The following FRRS1 variants were observed in gnomAD, a reference collection of about 807,000 sequenced individuals.
FRRS1 encodes ferric chelate reductase 1, also known as ferric reductase 1.
A neutral mutation model predicts 70.7 loss-of-function variants in FRRS1; 51 were observed. The observed-to-expected ratio is 0.72, with a 90% CI of 0.58 to 0.91. The LOEUF (loss-of-function observed/expected upper bound fraction) is 0.91, where lower values mean the gene tolerates loss of function less well. FRRS1 is among the 40% of genes least tolerant of loss of function. FRRS1 has a pLI of 0.00. For missense variants in FRRS1, 672 were observed against 726.0 expected (o/e 0.93, Z 0.86); for synonymous variants, 225 against 238.7 (o/e 0.94, Z 0.53).
chr1:99,708,065 A>G lies in FRRS1; in HGVS notation c.*963T>C, dbSNP rs1294588529. On this transcript the variant is annotated 3_prime_UTR_variant, in exon 17 of 17. Coordinates refer to ENST00000646001, the MANE Select transcript of FRRS1 (RefSeq NM_001361041.2). Reference sequence around the variant, plus strand: ...TACATAAATAGTATCTTTAAGTAAAAGATGCATACTTGCATTTCATTGCTA... The same window carrying G: ...TACATAAATAGTATCTTTAAGTAAAGGATGCATACTTGCATTTCATTGCTA... Among the ~76,000 whole-genome samples the G allele has an allele frequency of 6.6e-6, 1 of 152,236 alleles. No individual in the cohort carries two copies.
chr1:99,712,398 T>C lies in FRRS1; in HGVS notation c.1421+20A>G, dbSNP rs765372647. The C allele has an allele frequency of 2.0e-6, 3 of 1,492,734 alleles. No individual in the cohort carries two copies. Among genetic ancestry groups the C allele is most frequent in the South Asian group, 1.2e-5 (1 of 83,972 alleles). 92.5% of individuals were successfully genotyped at this position (1,492,734 alleles called of 1,614,324 possible). A position where few individuals can be genotyped will look rare whatever the true frequency, so the allele number is the denominator to read the frequency against. On this transcript the variant is annotated intron_variant, in intron 13 of 16. Transcript: ENST00000646001. ...GATATCTACATTAAGAGAGCATTTA[T>C]ATAGAAAGGCTCTAAGTACCTTGGG...
intron 1 of FRRS1, among the ~76,000 whole-genome samples, chr1:99,762,762 G>T (rs371079815): frequency 6.6e-6 from 1 of 152,042 alleles, no homozygotes; most frequent in African/African-American, 2.4e-5. Flanking sequence ...TTCAAACCCC[G>T]AACTCTCAGG....
intron 9 of FRRS1, 79 bp from the exon 10 acceptor site, chr1:99,719,726 G>T (rs6679013): frequency 0.34 from 260,663 of 760,568 alleles, 46,773 homozygotes; most frequent in South Asian, 0.51. Flanking sequence ...ATACGGGCAG[G>T]GCATGGCAAC....
At chr1:99,728,879 A>G (rs2100937571) in intron 8 of FRRS1, among the ~76,000 whole-genome samples, 1 of 152,238 alleles carries the variant, frequency 6.6e-6, no homozygotes, top group East Asian at 1.9e-4. Context: ...TTTGAGCCAG[A>G]ACTCCACAAT....
intron 7 of FRRS1, among the ~76,000 whole-genome samples, chr1:99,735,151 A>G (rs150340724): frequency 6.6e-5 from 10 of 152,336 alleles, no homozygotes; most frequent in Admixed American, 1.3e-4. Context: ...CATCAATGTC[A>G]TAACAAAACG....
chr1:99,733,192 G>T (rs1405607992), intron 7 of FRRS1, among the ~76,000 whole-genome samples: 1 of 152,098 alleles, frequency 6.6e-6, no homozygotes, highest in Non-Finnish European at 1.5e-5. Flanking sequence ...TCCAATGGCT[G>T]TGTGAAGGAT....
chr1:99,758,153 T>C (rs1187719816), intron 1 of FRRS1, among the ~76,000 whole-genome samples: 1 of 152,232 alleles, frequency 6.6e-6, no homozygotes, highest in African/African-American at 2.4e-5. Context: ...GCTGGCACTT[T>C]ACATAAGATA....
chr1:99,752,793 T>C (rs773316582), intron 1 of FRRS1, among the ~76,000 whole-genome samples: 1 of 151,888 alleles, frequency 6.6e-6, no homozygotes, highest in Non-Finnish European at 1.5e-5. Context: ...AATAGAAATT[T>C]ACCAAAATGT....
At chr1:99,723,393 T>C (rs1654931901) in intron 9 of FRRS1, among the ~76,000 whole-genome samples, 1 of 152,142 alleles carries the variant, frequency 6.6e-6, no homozygotes, top group Admixed American at 6.6e-5. Context: ...GGCACATGGC[T>C]GTAGTCCCAG....
intron 1 of FRRS1, among the ~76,000 whole-genome samples, chr1:99,759,205 C>G (rs1475501370): frequency 6.6e-6 from 1 of 152,042 alleles, no homozygotes; most frequent in Non-Finnish European, 1.5e-5. Context: ...GTTCTTACAC[C>G]CCCTCCCCTT....
intron 10 of FRRS1, among the ~76,000 whole-genome samples, chr1:99,718,124 T>C (rs540721092): frequency 1.3e-5 from 2 of 152,320 alleles, no homozygotes; most frequent in South Asian, 4.1e-4. Context: ...AACTTTACTA[T>C]AATGGATAAC....
In FRRS1 at chr1:99,706,665, G is replaced by A. The variant is rs981311376; in HGVS notation, c.*2363C>T. ...TCCCAGCACTTTGGGAGGCTGAGGC[G>A]GGTGGATTACTTTAGACCAGGAGTT... On this transcript the variant is annotated 3_prime_UTR_variant, in exon 17 of 17. Coordinates refer to ENST00000646001, the MANE Select transcript of FRRS1 (RefSeq NM_001361041.2). Among the ~76,000 whole-genome samples, 9 of 152,034 alleles carry A rather than the reference G, an allele frequency of 5.9e-5. No homozygotes were observed. The highest frequency in any genetic ancestry group is 4.2e-4 in the South Asian group (2 of 4,818).
chr1:99,754,090 A>T (rs1656708577), intron 1 of FRRS1, among the ~76,000 whole-genome samples: 1 of 152,222 alleles, frequency 6.6e-6, no homozygotes, highest in Admixed American at 6.5e-5. Context: ...AAGAAGACAT[A>T]ACAATGCAAT....
At position 99,742,252 on chromosome 1, in the gene FRRS1, T is replaced by C; in HGVS notation, c.355A>G (p.Ser119Gly). 6.2e-7 allele frequency: 1 copy of C among 1,608,910 alleles called. No individual in the cohort carries two copies. The highest frequency in any genetic ancestry group is 8.5e-7 in the Non-Finnish European group (1 of 1,175,290). ...TTAATTTCTGTTTTTTTAGATGCAC[T>C]TCTGTGACTCACTGCTGATCCCTGA... ...DIQGSAVSHR[S>G]ASKKTEIKVY... The change falls in exon 5 of 17, where the codon AGT (serine) becomes GGT (glycine). Residue 119 changes from serine (S) to glycine (G), a missense_variant. By Grantham distance (56) the Ser-to-Gly change is moderately conservative (BLOSUM62 0). Coordinates refer to ENST00000646001, the MANE Select transcript of FRRS1 (RefSeq NM_001361041.2).
chr1:99,735,273 A>G (rs919618206), intron 7 of FRRS1, among the ~76,000 whole-genome samples: 11 of 152,216 alleles, frequency 7.2e-5, no homozygotes, highest in Admixed American at 5.2e-4. Context: ...GTACTTGGAA[A>G]TTCAGTTAAA....
intron 11 of FRRS1, 80 bp from the exon 12 acceptor site, chr1:99,715,752 A>G: frequency 1.1e-6 from 1 of 921,638 alleles, no homozygotes; most frequent in African/African-American, 1.6e-5. Flanking sequence ...AAATGGGGAA[A>G]AGACTATGGG....
Position 99,708,549 on chromosome 1 carries a change from G to C in FRRS1, c.*479C>G, listed in dbSNP as rs1654103622. 8.2e-6 allele frequency: 1 copy of C among 121,774 alleles called. No individual in the cohort carries two copies. The highest frequency in any genetic ancestry group is 1.0e-4 in the Admixed American group (1 of 9,552). 7.5% of individuals were successfully genotyped at this position (121,774 alleles called of 1,614,324 possible). On this transcript the variant is annotated 3_prime_UTR_variant, in exon 17 of 17. Coordinates refer to ENST00000646001, the MANE Select transcript of FRRS1 (RefSeq NM_001361041.2). ...GGAGGCAGAGCTTGCAGTGAGCCGAGATTGCACCACTGCACTCCAGCCTGG... is the reference window on the plus strand; with the variant it reads ...GGAGGCAGAGCTTGCAGTGAGCCGACATTGCACCACTGCACTCCAGCCTGG...
chr1:99,725,000 C>G (rs1655012844), intron 9 of FRRS1, among the ~76,000 whole-genome samples: 1 of 152,000 alleles, frequency 6.6e-6, no homozygotes, highest in Non-Finnish European at 1.5e-5. Context: ...GCACCAGGGA[C>G]CAGATCCATG....
Position 99,738,269 on chromosome 1 carries a change from C to G in FRRS1, c.577-1G>C. The G allele has an allele frequency of 6.4e-7, 1 of 1,573,198 alleles. No homozygotes were observed. The highest frequency in any genetic ancestry group is 8.6e-7 in the Non-Finnish European group (1 of 1,162,024). The stretch of plus-strand genomic sequence containing the variant: ...TGTTCCCACAATCTGAGGCACTGAA[C>G]TAGAAAAATGACAGAGGAAAAAAAA... On this transcript the variant is annotated splice_acceptor_variant, in intron 6 of 16. Transcript: ENST00000646001. LOFTEE classifies it high-confidence loss of function.
Sources: allele counts gnomAD v4.1 joint callset (sites outside exome capture counted in the v4.1 genomes callset), GRCh38; gene constraint gnomAD v4.1.1; transcripts MANE v1.5; gene names NCBI Gene and HGNC (gene_info 2026-07-23, HGNC 2026-07-21).